MTFR2: variants seen among roughly 807,000 people sequenced by gnomAD.
MTFR2 encodes mitochondrial fission regulator 2.
In MTFR2, 44 loss-of-function variants were observed where a neutral mutation model predicts 41.2. The ratio of observed to expected loss-of-function variants is 1.07; its 90% CI spans 0.84 to 1.37. MTFR2 has a LOEUF of 1.37. Ranked by LOEUF, MTFR2 falls within the 40% of genes most tolerant of loss-of-function variation. The probability of loss-of-function intolerance (pLI) is 0.00; values close to 1 mark genes in which losing one functional copy is unlikely to be tolerated. For missense variants in MTFR2, 452 were observed against 459.5 expected (o/e 0.98, Z 0.15); for synonymous variants, 141 against 154.6 (o/e 0.91, Z 0.65).
chr6:136,233,002 C>T (rs1362476982), intron 7 of MTFR2: 4 of 204,398 alleles, frequency 2.0e-5, no homozygotes, highest in African/African-American at 7.0e-5. Context: ...CCATTCTTCC[C>T]TGGCCCTCTC....
chr6:136,238,867 G>A (rs1369588126), intron 6 of MTFR2, among the ~76,000 whole-genome samples: 1 of 152,084 alleles, frequency 6.6e-6, no homozygotes, highest in Non-Finnish European at 1.5e-5. Flanking sequence ...AGGAGTTAGA[G>A]ACCAGCCTGG....
intron 6 of MTFR2, among the ~76,000 whole-genome samples, chr6:136,236,387 A>C (rs889194876): frequency 2.6e-5 from 4 of 152,282 alleles, no homozygotes; most frequent in Admixed American, 6.5e-5. Context: ...CTGCACGGGG[A>C]ATCTGTAGGT....
rs778095027 is a variant in MTFR2, at chr6:136,241,705, G to C, written c.282-29C>G. 2.8e-5 allele frequency: 43 copies of C among 1,521,612 alleles called. 1 individual carries two copies. Among genetic ancestry groups the C allele is most frequent in the Non-Finnish European group, 1.9e-5 (21 of 1,107,512 alleles). 94.3% of individuals were successfully genotyped at this position (1,521,612 alleles called of 1,614,324 possible). A position where few individuals can be genotyped will look rare whatever the true frequency, so the allele number is the denominator to read the frequency against. On this transcript the variant is annotated intron_variant, in intron 4 of 7. Coordinates refer to ENST00000420702, the MANE Select transcript of MTFR2 (RefSeq NM_001099286.3). The stretch of plus-strand genomic sequence containing the variant: ...TGGGTGAAAAAAAATAGGAAATGGA[G>C]GGAAGATATATTTCCAATCAAAAGA...
intron 7 of MTFR2, among the ~76,000 whole-genome samples, chr6:136,231,869 T>C (rs533240180): frequency 6.8e-6 from 1 of 147,968 alleles, no homozygotes; most frequent in Non-Finnish European, 1.5e-5. Context: ...TCAAACATCC[T>C]CAAATTTTAA....
intron 7 of MTFR2, 138 bp downstream of exon 7, chr6:136,233,187 G>A: frequency 1.6e-6 from 1 of 622,488 alleles, no homozygotes; most frequent in South Asian, 3.7e-5. Context: ...AAAAACCCCA[G>A]AAACATTAGC....
Position 136,241,572 on chromosome 6 carries a change from T to C in MTFR2, c.386A>G (p.Lys129Arg). ...AGCTTCATTTACAGGCAGGTCATTT[T>C]TCACAGTTTCTTTCTGTCTTACAGC... ...SPAVRQKETV[K>R]NDLPVNEAAI... Residue 129 changes from lysine (K) to arginine (R), a missense_variant, in exon 5 of 8, where the codon AAA becomes AGA. Physicochemically the swap from Lys to Arg is conservative, Grantham distance 26 (BLOSUM62 2). Transcript: ENST00000420702. 1 of 1,614,198 alleles carries C rather than the reference T, an allele frequency of 6.2e-7. No individual in the cohort carries two copies. The highest frequency in any genetic ancestry group is 8.5e-7 in the Non-Finnish European group (1 of 1,180,028).
chr6:136,246,094 A>G (rs1220603092), intron 2 of MTFR2, among the ~76,000 whole-genome samples: 1 of 152,154 alleles, frequency 6.6e-6, no homozygotes, highest in Non-Finnish European at 1.5e-5. Context: ...ACAGGCATAG[A>G]GGCTTTGCTA....
intron 2 of MTFR2, among the ~76,000 whole-genome samples, chr6:136,245,530 G>A (rs1163111069): frequency 2.0e-5 from 3 of 152,172 alleles, no homozygotes. Context: ...GCCAAAAGAT[G>A]TGATATAATA....
intron 5 of MTFR2, 70 bp downstream of exon 5, chr6:136,241,374 G>T: frequency 8.3e-7 from 1 of 1,202,886 alleles, no homozygotes; most frequent in Non-Finnish European, 1.2e-6. Context: ...ACAGTATCAT[G>T]CTGTACAGGT....
At chr6:136,241,214 T>C (rs1452630944) in intron 5 of MTFR2, among the ~76,000 whole-genome samples, 1 of 152,234 alleles carries the variant, frequency 6.6e-6, no homozygotes, top group African/African-American at 2.4e-5. Flanking sequence ...CAAATGTGTC[T>C]TAATTTATCC....
At chr6:136,243,700 G>A (rs1780143102) in intron 3 of MTFR2, among the ~76,000 whole-genome samples, 1 of 146,558 alleles carries the variant, frequency 6.8e-6, no homozygotes, top group South Asian at 2.1e-4. Flanking sequence ...CTGGGCGACA[G>A]CAAGACCTTA....
At chr6:136,234,149 T>G (rs763978868) in intron 6 of MTFR2, among the ~76,000 whole-genome samples, 25 of 151,534 alleles carry the variant, frequency 1.6e-4, no homozygotes, top group Non-Finnish European at 3.2e-4. Context: ...TTGGGTAACA[T>G]AGCGAGACCC....
chr6:136,242,547 T>C (rs987267561), intron 4 of MTFR2, among the ~76,000 whole-genome samples: 6 of 152,132 alleles, frequency 3.9e-5, no homozygotes, highest in African/African-American at 1.4e-4. Context: ...CACATCCAAA[T>C]TTTGAAATAC....
At chr6:136,244,988 A>T in intron 2 of MTFR2, 119 bp from the exon 3 acceptor site, 1 of 636,206 alleles carries the variant, frequency 1.6e-6, no homozygotes, top group Non-Finnish European at 2.7e-6. Flanking sequence ...TTTTTAATAC[A>T]GGGAGTCCTG....
intron 6 of MTFR2, among the ~76,000 whole-genome samples, chr6:136,234,199 T>C (rs1033549119): frequency 3.3e-5 from 5 of 150,508 alleles, no homozygotes; most frequent in African/African-American, 1.2e-4. Context: ...AGGCAACTAC[T>C]TGGGAGGTTA....
chr6:136,237,332 G>T (rs895133979), intron 6 of MTFR2, among the ~76,000 whole-genome samples: 2 of 152,008 alleles, frequency 1.3e-5, no homozygotes, highest in African/African-American at 2.4e-5. Context: ...CTTACCCAAG[G>T]CTACAAAACT....
chr6:136,243,683 G>A lies in MTFR2; in HGVS notation c.169-710C>T, dbSNP rs981622412. 1.7e-4 allele frequency among the ~76,000 whole-genome samples: 25 copies of A among 149,626 alleles called. No individual in the cohort carries two copies. In the East Asian group the frequency reaches 3.1e-3, roughly 19 times the overall value. On this transcript the variant is annotated intron_variant, in intron 3 of 7. Coordinates refer to ENST00000420702, the MANE Select transcript of MTFR2 (RefSeq NM_001099286.3). ...AGCCGTTATCACGCGACTCCACTTC[G>A]TTCAGCCTGGGCGACAGCAAGACCT...
In MTFR2 at chr6:136,233,326, C is replaced by T. The variant is rs1779814803; in HGVS notation, c.1043G>A (p.Arg348Lys). The T allele has an allele frequency of 1.2e-6, 2 of 1,611,382 alleles. No individual in the cohort carries two copies. Among genetic ancestry groups the T allele is most frequent in the African/African-American group, 1.3e-5 (1 of 74,994 alleles). The change falls in exon 7 of 8, where the codon AGG becomes AAG. Residue 348 changes from arginine to lysine, a missense_variant and splice_region_variant. Physicochemically the swap from Arg to Lys is conservative, Grantham distance 26. Transcript: ENST00000420702. The stretch of plus-strand genomic sequence containing the variant: ...TAATTTTACATTAGTGTAGCTTACC[C>T]TTGAAGTTTCTGGACTAGAAAATGG... Reference protein sequence around the residue: ...SSPFSSPETSRFGHHISQSEG... With the variant: ...SSPFSSPETSKFGHHISQSEG...
At chr6:136,244,988 AG>A (rs1368254069) in intron 2 of MTFR2, 119 bp from the exon 3 acceptor site, 9 of 636,088 alleles carry the variant, frequency 1.4e-5, no homozygotes, top group African/African-American at 1.1e-4. Context: ...TTTTTAATAC[AG>A]GGAGTCCTGT....
Sources: allele counts gnomAD v4.1 joint callset (sites outside exome capture counted in the v4.1 genomes callset), GRCh38; gene constraint gnomAD v4.1.1; transcripts MANE v1.5; gene names NCBI Gene and HGNC (gene_info 2026-07-23, HGNC 2026-07-21).